Variants in CADPS2 observed in about 807,000 individuals in gnomAD.
CADPS2 encodes calcium-dependent secretion activator 2.
In CADPS2, 93 loss-of-function variants were observed where a neutral mutation model predicts 172.5. That is an observed-to-expected ratio of 0.54 (90% CI 0.46 to 0.64). The LOEUF is 0.64. Among genes scored for constraint, CADPS2 ranks in the 30% least tolerant of loss-of-function variants. The pLI, the probability that CADPS2 is intolerant of heterozygous loss-of-function variation, is 0.00. For synonymous variants in CADPS2, 546 were observed against 555.2 expected, an observed-to-expected ratio of 0.98 and a Z score of 0.23; for missense variants, 1,420 against 1,565.9, an observed-to-expected ratio of 0.91 and a Z score of 1.57.
At chr7:122,787,379 T>C (rs1418160842) in intron 1 of CADPS2, among the ~76,000 whole-genome samples, 1 of 152,222 alleles carries the variant, frequency 6.6e-6, no homozygotes, top group Admixed American at 6.5e-5. Context: ...AGCTAGTTAC[T>C]TGTTATCAAT....
chr7:122,885,117 G>A (rs2141845694), intron 1 of CADPS2, among the ~76,000 whole-genome samples: 1 of 152,236 alleles, frequency 6.6e-6, no homozygotes, highest in East Asian at 1.9e-4. Context: ...ATTTCCTAGA[G>A]TTTGTATTGT....
At chr7:122,621,428 T>C (rs1293586821) in intron 5 of CADPS2, 53 bp downstream of exon 5, 2 of 1,138,888 alleles carry the variant, frequency 1.8e-6, no homozygotes, top group Non-Finnish European at 2.6e-6. Flanking sequence ...ACAGAAATTA[T>C]TGTGCATCAT....
intron 1 of CADPS2, among the ~76,000 whole-genome samples, chr7:122,854,374 A>C: frequency 6.6e-6 from 1 of 152,124 alleles, no homozygotes; most frequent in East Asian, 1.9e-4. Context: ...CTGTCTCAGA[A>C]AAAAAAGAAA....
intron 7 of CADPS2, among the ~76,000 whole-genome samples, chr7:122,565,726 T>C (rs1024474932): frequency 4.0e-4 from 61 of 152,212 alleles, no homozygotes; most frequent in Non-Finnish European, 7.6e-4. Flanking sequence ...GACAAAATTA[T>C]ACATATTTAC....
intron 1 of CADPS2, among the ~76,000 whole-genome samples, chr7:122,756,489 A>T (rs2093166618): frequency 6.6e-6 from 1 of 152,238 alleles, no homozygotes; most frequent in African/African-American, 2.4e-5. Flanking sequence ...TTATATTTTT[A>T]AAAAAGGAAG....
At chr7:122,732,491 G>A (rs1040887433) in intron 2 of CADPS2, among the ~76,000 whole-genome samples, 3 of 150,274 alleles carry the variant, frequency 2.0e-5, no homozygotes, top group South Asian at 2.1e-4. Context: ...TATATACTAC[G>A]AGTACAAAGA....
chr7:122,733,273 G>C (rs1444972136), intron 2 of CADPS2, among the ~76,000 whole-genome samples: 6 of 151,828 alleles, frequency 4.0e-5, no homozygotes, highest in Non-Finnish European at 8.8e-5. Flanking sequence ...GAATTGTGGA[G>C]AAAGTAAGAA....
intron 1 of CADPS2, among the ~76,000 whole-genome samples, chr7:122,745,148 G>A (rs2092670715): frequency 6.6e-6 from 1 of 151,774 alleles, no homozygotes; most frequent in Non-Finnish European, 1.5e-5. Context: ...CATGGCAGGA[G>A]CGGTGAGAAC....
At position 122,345,759 on chromosome 7, in the gene CADPS2, A is replaced by C. The variant is rs2037508094; in HGVS notation, c.3505-78T>G. 6.3e-6 allele frequency: 6 copies of C among 956,764 alleles called. No individual in the cohort carries two copies. In the Admixed American group the frequency reaches 1.4e-4, roughly 23 times the overall value. 59.3% of individuals were successfully genotyped at this position (956,764 alleles called of 1,614,324 possible). On this transcript the variant is annotated intron_variant, in intron 27 of 29. Coordinates refer to ENST00000449022, the MANE Select transcript of CADPS2 (RefSeq NM_017954.11). ...AAATTATTATTTAATCATACCCTGA[A>C]AAATAATTTTGAAAATTACAGTCAT...
chr7:122,355,231 T>C (rs2039226785), intron 27 of CADPS2, among the ~76,000 whole-genome samples: 1 of 152,216 alleles, frequency 6.6e-6, no homozygotes, highest in Non-Finnish European at 1.5e-5. Flanking sequence ...TGCATAGGAA[T>C]GCCACTTAAC....
intron 1 of CADPS2, among the ~76,000 whole-genome samples, chr7:122,743,166 A>C (rs2092574675): frequency 6.6e-6 from 1 of 152,204 alleles, no homozygotes. Context: ...TATAATTGCA[A>C]ACATCTAAAT....
chr7:122,486,833 C>T (rs1181002288), intron 11 of CADPS2, among the ~76,000 whole-genome samples: 2 of 152,114 alleles, frequency 1.3e-5, no homozygotes, highest in African/African-American at 4.8e-5. Flanking sequence ...CAACCTTCAA[C>T]AACCAGCAAC....
At chr7:122,598,448 C>T (rs995189548) in intron 6 of CADPS2, among the ~76,000 whole-genome samples, 1 of 151,964 alleles carries the variant, frequency 6.6e-6, no homozygotes, top group South Asian at 2.1e-4. Flanking sequence ...CTAAAATATT[C>T]TGGATATGTA....
chr7:122,362,725 A>G (rs1372964053), intron 25 of CADPS2, among the ~76,000 whole-genome samples: 1 of 152,236 alleles, frequency 6.6e-6, no homozygotes, highest in Non-Finnish European at 1.5e-5. Context: ...GTTTTTGTTC[A>G]CATAGCAGCT....
At chr7:122,862,401 G>A (rs1439463366) in intron 1 of CADPS2, among the ~76,000 whole-genome samples, 8 of 152,162 alleles carry the variant, frequency 5.3e-5, no homozygotes, top group African/African-American at 1.4e-4. Flanking sequence ...GGAAAGAAGA[G>A]AAAGAAGACA....
At chr7:122,324,217 G>A (rs1050336466) in intron 29 of CADPS2, among the ~76,000 whole-genome samples, 4 of 151,896 alleles carry the variant, frequency 2.6e-5, no homozygotes, top group South Asian at 4.1e-4. Context: ...GGCATTTTAG[G>A]TCTGGTTCTA....
intron 7 of CADPS2, 149 bp downstream of exon 7, chr7:122,581,030 G>A (rs941560698): frequency 5.0e-5 from 29 of 584,276 alleles, no homozygotes; most frequent in African/African-American, 4.9e-4. Context: ...ATAAATTAGA[G>A]GTGTATACTG....
chr7:122,530,560 T>C (rs1432733919), intron 8 of CADPS2, among the ~76,000 whole-genome samples: 1 of 152,164 alleles, frequency 6.6e-6, no homozygotes, highest in Non-Finnish European at 1.5e-5. Flanking sequence ...TTGTGCTTTA[T>C]GCTTTACATA....
chr7:122,874,804 G>C (rs913185816), intron 1 of CADPS2, among the ~76,000 whole-genome samples: 1 of 152,134 alleles, frequency 6.6e-6, no homozygotes, highest in East Asian at 1.9e-4. Flanking sequence ...TTTAATAAAT[G>C]GTGTTGGGAA....
Sources: allele counts gnomAD v4.1 joint callset (sites outside exome capture counted in the v4.1 genomes callset), GRCh38; gene constraint gnomAD v4.1.1; transcripts MANE v1.5; gene names NCBI Gene and HGNC (gene_info 2026-07-23, HGNC 2026-07-21).